RBFOX1: variants seen among roughly 807,000 people sequenced by gnomAD.
The protein encoded by RBFOX1 is RNA binding protein fox-1 homolog 1.
A neutral mutation model predicts 57.7 loss-of-function variants in RBFOX1; 8 were observed. The observed-to-expected ratio is 0.14, with a 90% CI of 0.08 to 0.25. The LOEUF (loss-of-function observed/expected upper bound fraction) is 0.25. RBFOX1 is among the 10% of genes least tolerant of loss of function. The probability of loss-of-function intolerance (pLI) is 1.00; values close to 1 mark genes in which losing one functional copy is unlikely to be tolerated. For missense variants in RBFOX1, 611 were observed against 548.5 expected, an observed-to-expected ratio of 1.11 and a Z score of -1.14; for synonymous variants, 326 against 222.4, an observed-to-expected ratio of 1.47 and a Z score of -4.15.
chr16:6,900,701 G>T (rs574397119), intron 3 of RBFOX1, among the ~76,000 whole-genome samples: 1 of 152,160 alleles, frequency 6.6e-6, no homozygotes, highest in Non-Finnish European at 1.5e-5. Context: ...CTCAGAATCT[G>T]TATTGCTTTC....
chr16:6,729,645 C>G (rs116753217), intron 3 of RBFOX1, among the ~76,000 whole-genome samples: 2 of 152,150 alleles, frequency 1.3e-5, no homozygotes, highest in Admixed American at 1.3e-4. Flanking sequence ...ACCTCATTCT[C>G]TTCTAACTTT....
intron 4 of RBFOX1, among the ~76,000 whole-genome samples, chr16:7,313,241 T>C (rs1466731806): frequency 6.6e-6 from 1 of 152,188 alleles, no homozygotes; most frequent in Non-Finnish European, 1.5e-5. Context: ...TGTATAAAAC[T>C]ATGCAATTTT....
At chr16:6,409,101 A>G (rs1011132386) in intron 2 of RBFOX1, among the ~76,000 whole-genome samples, 1 of 152,178 alleles carries the variant, frequency 6.6e-6, no homozygotes, top group African/African-American at 2.4e-5. Flanking sequence ...TACTACTTCA[A>G]ATACTAATGT....
chr16:5,304,971 G>A (rs73510369), intron 1 of RBFOX1, among the ~76,000 whole-genome samples: 4,615 of 152,152 alleles, frequency 0.03, 116 homozygotes, highest in African/African-American at 0.072. Context: ...TCCTTTACCT[G>A]TTTTTCAGTT....
chr16:7,305,998 T>C (rs1317117514), intron 4 of RBFOX1, among the ~76,000 whole-genome samples: 1 of 152,246 alleles, frequency 6.6e-6, no homozygotes, highest in Non-Finnish European at 1.5e-5. Context: ...TGAGCATTTC[T>C]ATAGATGCTA....
At chr16:5,660,792 C>T (rs1193337947) in intron 3 of RBFOX1, among the ~76,000 whole-genome samples, 3 of 151,992 alleles carry the variant, frequency 2.0e-5, no homozygotes, top group South Asian at 2.1e-4. Context: ...CTGAAGCAGG[C>T]GGAGTGGTGA....
chr16:7,474,726 T>G (rs149740004), intron 4 of RBFOX1, among the ~76,000 whole-genome samples: 7 of 152,220 alleles, frequency 4.6e-5, no homozygotes, highest in Non-Finnish European at 5.9e-5. Flanking sequence ...ATTTTTCTTC[T>G]GTAAAATGGG....
intron 4 of RBFOX1, among the ~76,000 whole-genome samples, chr16:7,323,078 A>T (rs990603226): frequency 1.3e-5 from 2 of 152,076 alleles, no homozygotes; most frequent in African/African-American, 2.4e-5. Flanking sequence ...GTTGAGATTG[A>T]CTAAGGGGTG....
intron 5 of RBFOX1, among the ~76,000 whole-genome samples, chr16:7,529,442 A>T (rs1175591309): frequency 6.6e-6 from 1 of 152,098 alleles, no homozygotes; most frequent in Non-Finnish European, 1.5e-5. Context: ...TTTGGTGGGG[A>T]CCCTGTAGTA....
At chr16:7,019,865 C>A (rs2094117697) in intron 3 of RBFOX1, among the ~76,000 whole-genome samples, 2 of 152,190 alleles carry the variant, frequency 1.3e-5, no homozygotes, top group African/African-American at 4.8e-5. Flanking sequence ...TGTGGTCCAG[C>A]AATACTGACA....
intron 1 of RBFOX1, among the ~76,000 whole-genome samples, chr16:5,372,630 C>A (rs554682973): frequency 6.6e-6 from 1 of 152,120 alleles, no homozygotes; most frequent in African/African-American, 2.4e-5. Flanking sequence ...TCTCTACTAT[C>A]GTGGCAGCTT....
In RBFOX1 at chr16:5,620,881, C is replaced by T. The variant is rs571677053; in HGVS notation, c.318+21920C>T. 9.2e-5 allele frequency among the ~76,000 whole-genome samples: 14 copies of T among 152,190 alleles called. No homozygotes were observed. The South Asian group carries it at 2.7e-3, about 29-fold the overall frequency. ...TTTTTGAGACAGAGTTGCTCTGTCC[C>T]CCAGGCTGGAGTGCAGGAGTGTGAT... is the stretch of plus-strand genomic sequence containing the variant. On this transcript the variant is annotated intron_variant, in intron 3 of 19. Coordinates refer to the RBFOX1 transcript ENST00000641259.
chr16:6,736,892 A>G (rs2070487338), intron 3 of RBFOX1, among the ~76,000 whole-genome samples: 2 of 152,156 alleles, frequency 1.3e-5, no homozygotes, highest in African/African-American at 4.8e-5. Context: ...GAGCCTAGGT[A>G]TAGACTTAGC....
intron 2 of RBFOX1, among the ~76,000 whole-genome samples, chr16:5,526,195 C>T (rs540076394): frequency 1.3e-5 from 2 of 152,240 alleles, no homozygotes; most frequent in Non-Finnish European, 2.9e-5. Flanking sequence ...CATTGTTATC[C>T]TTGTCGAAGG....
At chr16:6,163,942 T>C (rs771832361) in intron 1 of RBFOX1, among the ~76,000 whole-genome samples, 3 of 152,232 alleles carry the variant, frequency 2.0e-5, no homozygotes, top group East Asian at 1.9e-4. Context: ...CAATGTGATG[T>C]TATGGGATAC....
chr16:7,248,822 A>C (rs895801338), intron 4 of RBFOX1, among the ~76,000 whole-genome samples: 1 of 152,168 alleles, frequency 6.6e-6, no homozygotes, highest in Non-Finnish European at 1.5e-5. Context: ...TGCCTTTTTG[A>C]GTAATCATTT....
intron 3 of RBFOX1, among the ~76,000 whole-genome samples, chr16:7,020,125 C>T (rs551193305): frequency 1.4e-4 from 21 of 152,254 alleles, no homozygotes; most frequent in African/African-American, 5.1e-4. Flanking sequence ...TGTCATGTCT[C>T]AGGCCAGGTG....
intron 3 of RBFOX1, among the ~76,000 whole-genome samples, chr16:6,734,956 A>G (rs898352382): frequency 6.6e-6 from 1 of 152,170 alleles, no homozygotes; most frequent in East Asian, 1.9e-4. Context: ...CATGGGCAAC[A>G]CAGTGAGACT....
At chr16:7,134,355 G>A (rs777326739) in intron 4 of RBFOX1, among the ~76,000 whole-genome samples, 24 of 152,226 alleles carry the variant, frequency 1.6e-4, no homozygotes, top group South Asian at 1.0e-3. Context: ...ATATATAACC[G>A]TCAAAGACTT....
Sources: allele counts gnomAD v4.1 joint callset (sites outside exome capture counted in the v4.1 genomes callset), GRCh38; gene constraint gnomAD v4.1.1; transcripts MANE v1.5; gene names NCBI Gene and HGNC (gene_info 2026-07-23, HGNC 2026-07-21).